The following MTMR3 variants were observed in gnomAD, a reference collection of about 807,000 sequenced individuals.
MTMR3 encodes the protein myotubularin related protein 3, also known as phosphatidylinositol-3,5-bisphosphate 3-phosphatase MTMR3.
In MTMR3, 32 loss-of-function variants were observed where a neutral mutation model predicts 132.4. The observed-to-expected ratio is 0.24, with a 90% CI of 0.18 to 0.32. The LOEUF is 0.32. MTMR3 is among the 10% of genes least tolerant of loss of function. The pLI, the probability that MTMR3 is intolerant of heterozygous loss-of-function variation, is 1.00. For synonymous variants in MTMR3, 556 were observed against 550.3 expected (o/e 1.01, Z -0.14); for missense variants, 1,216 against 1,489.6 (o/e 0.82, Z 3.02).
intron 9 of MTMR3, chr22:30,004,927 C>T (rs2067245382): frequency 6.6e-6 from 1 of 152,222 alleles, no homozygotes. Context: ...TGAACCAGCG[C>T]TTGATTAGGG....
intron 2 of MTMR3, among the ~76,000 whole-genome samples, chr22:29,963,077 C>T (rs1418454926): frequency 3.3e-5 from 5 of 151,492 alleles, no homozygotes; most frequent in East Asian, 2.0e-4. Flanking sequence ...CATGCCAGCA[C>T]GTCCAGCTAG....
chr22:30,016,996 C>G, intron 15 of MTMR3: 1 of 283,254 alleles, frequency 3.5e-6, no homozygotes, highest in South Asian at 6.1e-5. Flanking sequence ...CTAGCATATT[C>G]TGTCTTACGG....
intron 1 of MTMR3, among the ~76,000 whole-genome samples, chr22:29,935,239 T>TA (rs2065725758): frequency 6.6e-6 from 1 of 152,224 alleles, no homozygotes; most frequent in Non-Finnish European, 1.5e-5. Context: ...TGTATGTGAT[T>TA]ACTAAATGGC....
intron 2 of MTMR3, among the ~76,000 whole-genome samples, chr22:29,966,331 C>T (rs568005693): frequency 9.7e-4 from 148 of 152,244 alleles, no homozygotes; most frequent in Non-Finnish European, 1.6e-3. Flanking sequence ...TAATAGATGT[C>T]TCAGCTTATA....
chr22:29,947,001 T>C (rs1023330433), intron 1 of MTMR3, among the ~76,000 whole-genome samples: 54 of 152,262 alleles, frequency 3.5e-4, no homozygotes, highest in African/African-American at 1.2e-3. Context: ...TTAGGTTAGA[T>C]TGTAAGGAAA....
At chr22:29,957,328 G>A (rs1293235510) in intron 2 of MTMR3, among the ~76,000 whole-genome samples, 2 of 149,548 alleles carry the variant, frequency 1.3e-5, no homozygotes, top group Non-Finnish European at 3.0e-5. Flanking sequence ...CTGTAATAGT[G>A]TACTGGAAAA....
Position 30,027,216 on chromosome 22 carries a change from CTG to C in MTMR3, c.*1416_*1417del, listed in dbSNP as rs1601451062. The C allele has an allele frequency of 1.3e-5, 2 of 153,008 alleles. No individual in the cohort carries two copies. Among genetic ancestry groups the C allele is most frequent in the East Asian group, 3.8e-4 (2 of 5,294 alleles). The allele number at this position is 153,008 out of a possible 1,614,324, so 9.5% of individuals were successfully genotyped here. ...GCTTGACTCTGCTGAAAGCTGCTAA[CTG>C]GTGACAGGGTGGATCATGGTGAGGA... On this transcript the variant is annotated 3_prime_UTR_variant, in exon 20 of 20. Coordinates refer to ENST00000401950, the MANE Select transcript of MTMR3 (RefSeq NM_021090.4).
At chr22:29,955,357 G>T (rs568826897) in intron 1 of MTMR3, among the ~76,000 whole-genome samples, 3 of 152,266 alleles carry the variant, frequency 2.0e-5, no homozygotes, top group East Asian at 1.9e-4. Flanking sequence ...AAAATAATTT[G>T]TAATAGTATA....
chr22:29,996,433 T>C (rs1204628487), intron 7 of MTMR3: 1 of 152,246 alleles, frequency 6.6e-6, no homozygotes, highest in East Asian at 1.9e-4. Flanking sequence ...GTTACTGTTA[T>C]TATTTTGCCA....
chr22:30,002,769 C>T (rs2067202239), intron 8 of MTMR3, 111 bp from the exon 9 acceptor site: 2 of 765,738 alleles, frequency 2.6e-6, no homozygotes, highest in Admixed American at 2.5e-5. Flanking sequence ...GGTTCTGTGG[C>T]AGTGAGATCA....
Position 30,025,764 on chromosome 22 carries a change from T to C in MTMR3, c.3560T>C (p.Leu1187Pro), listed in dbSNP as rs768159510. The C allele has an allele frequency of 3.1e-6, 5 of 1,614,180 alleles. No homozygotes were observed. Among genetic ancestry groups the C allele is most frequent in the Non-Finnish European group, 4.2e-6 (5 of 1,180,032 alleles). ...CATCCCACAAGCTCCAGCATTGACC[T>C]TGAACTGGATAAGCCCATTGCTGCC... is the stretch of plus-strand genomic sequence containing the variant. ...SLHPTSSSID[L>P]ELDKPIAATS... The change falls in exon 20 of 20, where the codon CTT becomes CCT. Residue 1187 changes from leucine (L) to proline (P), a missense_variant. Leu to Pro is a moderately conservative substitution (Grantham distance 98, BLOSUM62 -3). Coordinates refer to ENST00000401950, the MANE Select transcript of MTMR3 (RefSeq NM_021090.4).
At chr22:29,942,925 C>A (rs572515650) in intron 1 of MTMR3, among the ~76,000 whole-genome samples, 1 of 151,958 alleles carries the variant, frequency 6.6e-6, no homozygotes, top group Non-Finnish European at 1.5e-5. Flanking sequence ...CCTCAGCTTA[C>A]GAAGATGACA....
At chr22:29,938,273 A>G (rs2145805083) in intron 1 of MTMR3, among the ~76,000 whole-genome samples, 1 of 152,348 alleles carries the variant, frequency 6.6e-6, no homozygotes, top group East Asian at 1.9e-4. Context: ...ACCCATAAAG[A>G]TGGAAGTACC....
chr22:29,906,322 A>ATCTATCTG (rs1568998511), intron 1 of MTMR3, among the ~76,000 whole-genome samples: 1 of 137,602 alleles, frequency 7.3e-6, no homozygotes, highest in East Asian at 2.0e-4. Flanking sequence ...CTATCTATCT[A>ATCTATCTG]TCTATCTATC....
intron 11 of MTMR3, chr22:30,008,671 C>A (rs2067332483): frequency 9.6e-6 from 2 of 207,384 alleles, no homozygotes; most frequent in African/African-American, 2.4e-5. Context: ...CTGTGGAGTT[C>A]TTTTCAAAGA....
chr22:29,978,507 G>C lies in MTMR3; in HGVS notation c.69G>C (p.Leu23=). Residue 23 remains leucine, a synonymous_variant, in exon 4 of 20, where the codon CTG becomes CTC. Coordinates refer to ENST00000401950, the MANE Select transcript of MTMR3 (RefSeq NM_021090.4). ...ATCAGATCTTTCCCAGGAAGCAGCT[G>C]ATCCGGGAGGATGAGAATCTTCAGG... The part of the protein sequence containing the change: ...QANQIFPRKQ[L]IREDENLQVP... 1 of 1,613,658 alleles carries C rather than the reference G, an allele frequency of 6.2e-7. No homozygotes were observed. Among genetic ancestry groups the C allele is most frequent in the South Asian group, 1.1e-5 (1 of 91,068 alleles).
chr22:29,962,047 A>T (rs369506489), intron 2 of MTMR3, among the ~76,000 whole-genome samples: 1 of 152,230 alleles, frequency 6.6e-6, no homozygotes, highest in African/African-American at 2.4e-5. Context: ...CACAACAGCT[A>T]AATCTGCTAA....
chr22:29,974,823 T>G (rs1337683928), intron 3 of MTMR3, among the ~76,000 whole-genome samples: 1 of 152,194 alleles, frequency 6.6e-6, no homozygotes, highest in Non-Finnish European at 1.5e-5. Flanking sequence ...AGGTAAAAAG[T>G]TAATGTGATG....
At chr22:29,926,618 T>C (rs1254237660) in intron 1 of MTMR3, among the ~76,000 whole-genome samples, 1 of 152,222 alleles carries the variant, frequency 6.6e-6, no homozygotes, top group East Asian at 1.9e-4. Context: ...GTGGCTTTGA[T>C]TTGTAATTCC....
Sources: allele counts gnomAD v4.1 joint callset (sites outside exome capture counted in the v4.1 genomes callset), GRCh38; gene constraint gnomAD v4.1.1; transcripts MANE v1.5; gene names NCBI Gene and HGNC (gene_info 2026-07-23, HGNC 2026-07-21).